The following AMMECR1 variants were observed in gnomAD, a reference collection of about 807,000 sequenced individuals.
AMMECR1 encodes AMMECR nuclear protein 1.
A neutral mutation model predicts 22.5 loss-of-function variants in AMMECR1; 3 were observed. The observed-to-expected ratio is 0.13, with a 90% confidence interval of 0.06 to 0.35. AMMECR1 has a LOEUF of 0.35. AMMECR1 is among the 10% of genes least tolerant of loss of function. AMMECR1 has a pLI of 1.00. For missense variants in AMMECR1, 235 were observed against 278.7 expected, an observed-to-expected ratio of 0.84 and a Z score of 1.12; for synonymous variants, 130 against 116.7, an observed-to-expected ratio of 1.11 and a Z score of -0.74.
chrX:110,402,956 A>G (rs372258504), intron 2 of AMMECR1, among the ~76,000 whole-genome samples: 2 of 111,793 alleles, frequency 1.8e-5, no homozygotes, highest in African/African-American at 6.5e-5. Flanking sequence ...CCTTTAAGGG[A>G]GGTTAGCCCC....
chrX:110,331,023 A>G (rs924601509), intron 2 of AMMECR1, among the ~76,000 whole-genome samples: 22 of 109,711 alleles, frequency 2.0e-4, no homozygotes, highest in African/African-American at 6.6e-4. Context: ...TCCTTGTCCT[A>G]TCAGACCTCT....
chrX:110,411,043 C>T (rs1014874583), intron 2 of AMMECR1, among the ~76,000 whole-genome samples: 2 of 112,550 alleles, frequency 1.8e-5, no homozygotes, highest in Non-Finnish European at 1.9e-5. Context: ...ATTTCAGCAG[C>T]GATCAGCAAG....
intron 2 of AMMECR1, among the ~76,000 whole-genome samples, chrX:110,325,285 A>AT (rs1481304994): frequency 8.9e-6 from 1 of 111,839 alleles, no homozygotes; most frequent in Non-Finnish European, 1.9e-5. Flanking sequence ...AGCATTTGTC[A>AT]TTTTTTTGCA....
intron 2 of AMMECR1, chrX:110,358,759 A>G (rs1014857401): frequency 4.5e-5 from 5 of 111,848 alleles, no homozygotes; most frequent in Non-Finnish European, 9.4e-5. Flanking sequence ...GCTGGGAAAC[A>G]TAGTGTCCTT....
intron 2 of AMMECR1, among the ~76,000 whole-genome samples, chrX:110,263,047 C>T (rs1004805787): frequency 9.0e-6 from 1 of 111,029 alleles, no homozygotes. Context: ...CTTCAGGTAG[C>T]GCAAAGGAAC....
rs188368038 is a variant in AMMECR1 at position 110,366,450 on chromosome X, A to C, written c.-147-48601T>G. Among the ~76,000 whole-genome samples the C allele has an allele frequency of 2.7e-3, 303 of 111,818 alleles. 1 individual carries two copies. Among genetic ancestry groups the C allele is most frequent in the African/African-American group, 9.1e-3 (280 of 30,755 alleles). On this transcript the variant is annotated intron_variant, in intron 2 of 7. Transcript: ENST00000372057. ...GGGACTAGTGGTTCTGAAAAATGCA[A>C]TTATGAGAACACTACTCCAAAATGA...
chrX:110,397,973 A>G (rs1453229861), intron 2 of AMMECR1, among the ~76,000 whole-genome samples: 1 of 112,380 alleles, frequency 8.9e-6, no homozygotes, highest in Non-Finnish European at 1.9e-5. Flanking sequence ...GTGGAGCACG[A>G]ACCCGCTTCC....
chrX:110,371,394 G>T (rs768060763), intron 2 of AMMECR1, among the ~76,000 whole-genome samples: 23 of 111,641 alleles, frequency 2.1e-4, no homozygotes, highest in Non-Finnish European at 5.6e-5. Context: ...TCACTGAGTC[G>T]CAAACAATCC....
chrX:110,239,314 G>A (rs1450161384), intron 2 of AMMECR1, among the ~76,000 whole-genome samples: 2 of 110,921 alleles, frequency 1.8e-5, no homozygotes, highest in East Asian at 5.7e-4. Flanking sequence ...AAAAGTTAGA[G>A]GAATTGCTAA....
chrX:110,256,934 T>A (rs1193374910), intron 2 of AMMECR1, among the ~76,000 whole-genome samples: 1 of 111,702 alleles, frequency 9.0e-6, no homozygotes, highest in Admixed American at 9.5e-5. Context: ...GGTAAAAGCA[T>A]AGGATTTGCA....
chrX:110,274,589 CTGTCTTTTTGCTTTTAACATACCTG>C (rs2067816278), intron 1 of AMMECR1, among the ~76,000 whole-genome samples: 1 of 111,560 alleles, frequency 9.0e-6, no homozygotes, highest in Non-Finnish European at 1.9e-5. Flanking sequence ...ATATCTTTTT[CTGTCTTTTTGCTTTTAACATACCTG>C]TGTCTTTATC....
chrX:110,220,926 C>G (rs2067496813), intron 2 of AMMECR1, among the ~76,000 whole-genome samples: 1 of 112,314 alleles, frequency 8.9e-6, no homozygotes, highest in Admixed American at 9.4e-5. Flanking sequence ...TGAAAAGAGG[C>G]AAAACCTTAG....
intron 1 of AMMECR1, among the ~76,000 whole-genome samples, chrX:110,279,446 G>A (rs902985822): frequency 3.6e-5 from 4 of 111,971 alleles, no homozygotes; most frequent in African/African-American, 1.3e-4. Context: ...TTTTCATATT[G>A]GACTACAGAA....
Position 110,328,438 on chromosome X carries a change from C to CTT in AMMECR1, c.-147-10591_-147-10590dup, listed in dbSNP as rs772629664. Among the ~76,000 whole-genome samples the CTT allele has an allele frequency of 1.6e-4, 12 of 73,994 alleles. No individual in the cohort carries two copies. The South Asian group carries it at 2.0e-3, about 12-fold the overall frequency. The allele number at this position is 73,994 out of a possible 115,157, so 64.3% of individuals were successfully genotyped here. On this transcript the variant is annotated intron_variant, in intron 2 of 7. Transcript: ENST00000372057. ...CGTCTATTTCCTTTTTTCTTTTTCTCTTTTTTTTTTTTTTAGATGTTTGAC... is the reference window on the plus strand; with the variant it reads ...CGTCTATTTCCTTTTTTCTTTTTCTCTTTTTTTTTTTTTTTTAGATGTTTGAC...
At chrX:110,433,095 G>A (rs1029080056) in intron 1 of AMMECR1, among the ~76,000 whole-genome samples, 2 of 112,408 alleles carry the variant, frequency 1.8e-5, no homozygotes, top group Admixed American at 9.4e-5. Flanking sequence ...CTGTGAGCTC[G>A]TGAGAACCTG....
At chrX:110,407,378 C>T (rs773419012) in intron 2 of AMMECR1, among the ~76,000 whole-genome samples, 4 of 112,041 alleles carry the variant, frequency 3.6e-5, no homozygotes, top group Admixed American at 2.8e-4. Flanking sequence ...CTGCCTTGGT[C>T]TAGAAGATAC....
intron 2 of AMMECR1, among the ~76,000 whole-genome samples, chrX:110,366,707 G>A (rs893733217): frequency 2.7e-5 from 3 of 111,319 alleles, no homozygotes; most frequent in East Asian, 2.8e-4. Flanking sequence ...ACATCCAATC[G>A]TTGTTAAATC....
intron 2 of AMMECR1, among the ~76,000 whole-genome samples, chrX:110,235,576 C>A (rs187054946): frequency 6.7e-4 from 75 of 112,392 alleles, no homozygotes; most frequent in Non-Finnish European, 1.2e-3. Context: ...ATGTCCATCA[C>A]TGATAGACTG....
intron 2 of AMMECR1, among the ~76,000 whole-genome samples, chrX:110,361,937 A>G (rs2068266363): frequency 8.9e-6 from 1 of 111,775 alleles, no homozygotes; most frequent in South Asian, 3.7e-4. Context: ...ATAAAACTGT[A>G]TTTACCAAAA....
Sources: allele counts gnomAD v4.1 joint callset (sites outside exome capture counted in the v4.1 genomes callset), GRCh38; gene constraint gnomAD v4.1.1; transcripts MANE v1.5; gene names NCBI Gene and HGNC (gene_info 2026-07-23, HGNC 2026-07-21).